Variants in DDX31 observed in about 807,000 individuals in gnomAD.
DDX31 encodes DEAD-box helicase 31, also known as ATP-dependent DNA helicase DDX31.
DDX31 carries 70 observed loss-of-function variants against 91.3 expected under a neutral mutation model. The observed-to-expected ratio is 0.77, with a 90% CI of 0.63 to 0.94. DDX31 has a LOEUF of 0.94. Ranked by LOEUF, DDX31 falls within the 40% of genes least tolerant of loss-of-function variation. The pLI is 0.00. For missense variants in DDX31, 902 were observed against 925.0 expected, an observed-to-expected ratio of 0.98 and a Z score of 0.32; for synonymous variants, 362 against 350.6, an observed-to-expected ratio of 1.03 and a Z score of -0.36.
At chr9:132,649,271 C>T (rs769697720) in intron 9 of DDX31, among the ~76,000 whole-genome samples, 7 of 152,118 alleles carry the variant, frequency 4.6e-5, no homozygotes, top group Non-Finnish European at 7.4e-5. Context: ...GCTTCCCTTG[C>T]AGTTAAGTAT....
chr9:132,626,363 T>G (rs1832393346), intron 16 of DDX31, among the ~76,000 whole-genome samples: 1 of 152,160 alleles, frequency 6.6e-6, no homozygotes, highest in Non-Finnish European at 1.5e-5. Flanking sequence ...GACAAGAGCT[T>G]GGGCTTCACT....
In DDX31 at chr9:132,630,329, G is replaced by A; in HGVS notation, c.1566C>T (p.Ser522=). 1 of 1,603,576 alleles carries A rather than the reference G, an allele frequency of 6.2e-7. No individual in the cohort carries two copies. The highest frequency in any genetic ancestry group is 8.5e-7 in the Non-Finnish European group (1 of 1,171,388). The change falls in exon 16 of 20, where the codon AGC becomes AGT. Residue 522 remains serine (S), a synonymous_variant. Coordinates refer to ENST00000372159, the MANE Select transcript of DDX31 (RefSeq NM_022779.9). Reference sequence around the variant, plus strand: ...CCGAAGGAGCCAAAATGAGCAGGCTGCTCCCATGGCAGCCAATCCGGGCGG... The same window carrying A: ...CCGAAGGAGCCAAAATGAGCAGGCTACTCCCATGGCAGCCAATCCGGGCGG... ...GRTARIGCHG[S]SLLILAPSEA...
chr9:132,661,345 T>C, intron 3 of DDX31, 94 bp from the exon 4 acceptor site: 1 of 1,063,716 alleles, frequency 9.4e-7, no homozygotes, highest in South Asian at 1.4e-5. Flanking sequence ...GAGAGAACAT[T>C]GACTACTATG....
chr9:132,656,583 A>C lies in DDX31; in HGVS notation c.588+2088T>G, dbSNP rs114765986. Among the ~76,000 whole-genome samples, 541 of 152,308 alleles carry C rather than the reference A, an allele frequency of 3.6e-3. 5 individuals are homozygous for C. The highest frequency in any genetic ancestry group is 0.012 in the African/African-American group (518 of 41,564). ...CGCTACCATCCCTGTGCCACAGCAA[A>C]GGCACTGAGGCACAGAGGATGAACA... On this transcript the variant is annotated intron_variant, in intron 6 of 19. Coordinates refer to ENST00000372159, the MANE Select transcript of DDX31 (RefSeq NM_022779.9).
In DDX31 at chr9:132,662,557, T is replaced by C. The variant is rs1835039105; in HGVS notation, c.214A>G (p.Lys72Glu). 2.5e-6 allele frequency: 4 copies of C among 1,614,258 alleles called. No homozygotes were observed. The highest frequency in any genetic ancestry group is 3.4e-6 in the Non-Finnish European group (4 of 1,180,048). The stretch of plus-strand genomic sequence containing the variant: ...GAATGCTTCTTTGGAGAAAACATTT[T>C]TTGTGCGTTCCCCTTAAAAGTCCTC... ...TQRTFKGNAQ[K>E]MFSPKKHSVS... The change falls in exon 2 of 20, where the codon AAA becomes GAA. Residue 72 changes from lysine (K) to glutamate (E), a missense_variant. By Grantham distance (56) the Lys-to-Glu change is moderately conservative. Transcript: ENST00000372159.
At chr9:132,621,454 C>T (rs1187421639) in intron 17 of DDX31, among the ~76,000 whole-genome samples, 2 of 152,108 alleles carry the variant, frequency 1.3e-5, no homozygotes, top group African/African-American at 2.4e-5. Flanking sequence ...GTTTTATATA[C>T]CTAAATATGA....
At chr9:132,618,928 A>G (rs1666120152) in intron 17 of DDX31, among the ~76,000 whole-genome samples, 4 of 152,214 alleles carry the variant, frequency 2.6e-5, no homozygotes, top group African/African-American at 9.7e-5. Context: ...CTTGAATTTC[A>G]GAGCAGGCTT....
At chr9:132,612,895 T>C (rs2119310538) in intron 18 of DDX31, among the ~76,000 whole-genome samples, 1 of 152,328 alleles carries the variant, frequency 6.6e-6, no homozygotes, top group East Asian at 1.9e-4. Context: ...GTTTTTTGTG[T>C]ACTCACTGGA....
intron 19 of DDX31, among the ~76,000 whole-genome samples, chr9:132,605,495 C>T (rs188675468): frequency 6.6e-6 from 1 of 152,264 alleles, no homozygotes; most frequent in Non-Finnish European, 1.5e-5. Flanking sequence ...TTGTGGTCCC[C>T]AAGCATTCTG....
At chr9:132,638,192 A>G in intron 14 of DDX31, 1 of 1,469,654 alleles carries the variant, frequency 6.8e-7, no homozygotes, top group Non-Finnish European at 9.0e-7. Flanking sequence ...CCATCCAGGG[A>G]CAATCAAGGA....
At chr9:132,638,969 C>A (rs761564797) in intron 14 of DDX31, among the ~76,000 whole-genome samples, 1 of 152,130 alleles carries the variant, frequency 6.6e-6, no homozygotes, top group Non-Finnish European at 1.5e-5. Flanking sequence ...CCCCATGTAA[C>A]GATTAACAGC....
At chr9:132,607,075 C>T (rs1054386076) in intron 19 of DDX31, among the ~76,000 whole-genome samples, 27 of 152,166 alleles carry the variant, frequency 1.8e-4, no homozygotes, top group Admixed American at 1.6e-3. Flanking sequence ...ATGATTTCCA[C>T]GAGGATGTTT....
intron 15 of DDX31, among the ~76,000 whole-genome samples, chr9:132,631,337 T>C (rs1371041650): frequency 1.3e-5 from 2 of 152,184 alleles, no homozygotes; most frequent in African/African-American, 2.4e-5. Context: ...CATTGCCTTA[T>C]CTTCAGTTCA....
In DDX31 at chr9:132,648,265, G is replaced by T; in HGVS notation, c.891C>A (p.Ile297=). 1 of 1,612,428 alleles carries T rather than the reference G, an allele frequency of 6.2e-7. No individual in the cohort carries two copies. Among genetic ancestry groups the T allele is most frequent in the Non-Finnish European group, 8.5e-7 (1 of 1,179,588 alleles). The change falls in exon 11 of 20, where the codon ATC becomes ATA. Residue 297 remains isoleucine, a synonymous_variant. Coordinates refer to ENST00000372159, the MANE Select transcript of DDX31 (RefSeq NM_022779.9). The part of the protein sequence containing the change: ...RILDLGFEKD[I]TVILNAVNAE... ...CATTTACAGCATTAAGTATCACTGT[G>T]ATGTCCTTTTCAAAACCCAAATCCA...
intron 13 of DDX31, among the ~76,000 whole-genome samples, chr9:132,644,561 CT>C (rs1833699701): frequency 6.6e-6 from 1 of 152,108 alleles, no homozygotes; most frequent in African/African-American, 2.4e-5. Context: ...GACTACTCCC[CT>C]GTTACAAAGT....
chr9:132,658,497 A>T, intron 6 of DDX31, 174 bp downstream of exon 6: 1 of 674,100 alleles, frequency 1.5e-6, no homozygotes, highest in Middle Eastern at 2.4e-4. Context: ...TATTTATTCT[A>T]CTCTAGGCAC....
chr9:132,658,248 A>G lies in DDX31; in HGVS notation c.588+423T>C. 7.1e-6 allele frequency: 5 copies of G among 702,532 alleles called. No homozygotes were observed. The South Asian group carries it at 7.4e-5, about 10-fold the overall frequency. The allele number at this position is 702,532 out of a possible 1,614,324, so 43.5% of individuals were successfully genotyped here. On this transcript the variant is annotated intron_variant, in intron 6 of 19. Transcript: ENST00000372159. ...AGTAAGGAGCTTGGTCTCTGCAGCCAAACAGAACTGAGGTAGAAATCCAGT... is the reference window on the plus strand; with the variant it reads ...AGTAAGGAGCTTGGTCTCTGCAGCCGAACAGAACTGAGGTAGAAATCCAGT...
At chr9:132,611,867 C>T (rs1261004156) in intron 19 of DDX31, among the ~76,000 whole-genome samples, 2 of 152,048 alleles carry the variant, frequency 1.3e-5, no homozygotes, top group South Asian at 2.1e-4. Context: ...GCTCCGACTA[C>T]GTTTGGGCCC....
At chr9:132,642,635 G>A (rs1175548145) in intron 13 of DDX31, among the ~76,000 whole-genome samples, 1 of 148,950 alleles carries the variant, frequency 6.7e-6, no homozygotes, top group African/African-American at 2.5e-5. Context: ...CAAATATGCA[G>A]CTTTCCAAAA....
Sources: gnomAD v4.1 joint callset for allele counts (sites outside exome capture counted in the v4.1 genomes callset) on GRCh38, gnomAD v4.1.1 for gene constraint, MANE v1.5 for transcripts, NCBI Gene and HGNC (gene_info 2026-07-23, HGNC 2026-07-21) for gene names.